Variants in PUM1 observed in about 807,000 individuals in gnomAD.
PUM1 encodes pumilio homolog 1.
Under a neutral mutation model 131.8 loss-of-function variants are expected in PUM1, and 13 were observed. That is an observed-to-expected ratio of 0.10 (90% CI 0.06 to 0.16). PUM1 has a LOEUF of 0.16. Ranked by LOEUF, PUM1 falls within the 10% of genes least tolerant of loss-of-function variation. PUM1 has a pLI of 1.00. For synonymous variants in PUM1, 509 were observed against 556.5 expected (o/e 0.91, Z 1.20); for missense variants, 961 against 1,512.4 (o/e 0.64, Z 6.05).
Position 30,966,127 on chromosome 1 carries a change from G to A in PUM1, c.1941C>T (p.Gly647=). The A allele has an allele frequency of 6.2e-7, 1 of 1,614,130 alleles. No individual in the cohort carries two copies. The highest frequency in any genetic ancestry group is 8.5e-7 in the Non-Finnish European group (1 of 1,180,028). The stretch of plus-strand genomic sequence containing the variant: ...GTGAATTGCTGTTCAGAGAGTTGTT[G>A]CCGTAGAAAGAACTGGATGCCAGGT... ...NNNLASSSFY[G]NNSLNSNSQS... The change falls in exon 13 of 22, where the codon GGC becomes GGT. Residue 647 remains glycine (G), a synonymous_variant. Transcript: ENST00000426105.
chr1:31,020,014 T>C (rs1642964168), intron 3 of PUM1, among the ~76,000 whole-genome samples: 1 of 152,176 alleles, frequency 6.6e-6, no homozygotes, highest in African/African-American at 2.4e-5. Context: ...GTCACCCAAA[T>C]AGTGAACATA....
intron 18 of PUM1, among the ~76,000 whole-genome samples, chr1:30,943,633 T>A (rs1463622472): frequency 6.6e-6 from 1 of 152,182 alleles, no homozygotes; most frequent in Non-Finnish European, 1.5e-5. Flanking sequence ...AATAATGGTG[T>A]TTAAACATGT....
intron 9 of PUM1, among the ~76,000 whole-genome samples, chr1:30,978,619 G>C (rs1199851660): frequency 6.6e-6 from 1 of 152,224 alleles, no homozygotes; most frequent in Non-Finnish European, 1.5e-5. Flanking sequence ...ATTTAGTCAT[G>C]ATGAACTTGA....
intron 1 of PUM1, among the ~76,000 whole-genome samples, chr1:31,065,172 G>A (rs1173435902): frequency 6.6e-6 from 1 of 152,102 alleles, no homozygotes; most frequent in Non-Finnish European, 1.5e-5. Context: ...CTCCTCCTCC[G>A]GCGCTGCCAC....
intron 7 of PUM1, among the ~76,000 whole-genome samples, chr1:30,982,523 T>C (rs898566117): frequency 1.3e-5 from 2 of 152,218 alleles, no homozygotes; most frequent in African/African-American, 4.8e-5. Flanking sequence ...CCTCCCTGGA[T>C]AGGACCTTCA....
intron 2 of PUM1, chr1:31,036,689 G>A (rs1643622410): frequency 6.6e-6 from 1 of 152,464 alleles, no homozygotes; most frequent in South Asian, 2.1e-4. Context: ...TTAGTGTTCT[G>A]TTTTGAAGAA....
At chr1:31,004,708 A>G (rs1451002454) in intron 5 of PUM1, among the ~76,000 whole-genome samples, 1 of 152,236 alleles carries the variant, frequency 6.6e-6, no homozygotes, top group Non-Finnish European at 1.5e-5. Flanking sequence ...AAGCTGCACC[A>G]AAAATGAACT....
At chr1:30,942,191 T>TTATATACATA (rs1639466964) in intron 18 of PUM1, 68 bp from the exon 19 acceptor site, 1 of 143,388 alleles carries the variant, frequency 7.0e-6, no homozygotes, top group South Asian at 7.1e-5. Flanking sequence ...TCAGTATTGT[T>TTATATACATA]TATATATATA....
chr1:30,991,932 T>C (rs1455817676), intron 7 of PUM1, among the ~76,000 whole-genome samples: 1 of 152,244 alleles, frequency 6.6e-6, no homozygotes, highest in African/African-American at 2.4e-5. Flanking sequence ...CAGATCCTTG[T>C]CTATGCTATC....
At chr1:31,040,629 A>T (rs1347835508) in intron 2 of PUM1, among the ~76,000 whole-genome samples, 1 of 152,182 alleles carries the variant, frequency 6.6e-6, no homozygotes, top group Non-Finnish European at 1.5e-5. Flanking sequence ...CACAAAAGAC[A>T]GCTGGGCATG....
At position 30,998,362 on chromosome 1, in the gene PUM1, C is replaced by T. The variant is rs1642060741; in HGVS notation, c.721-3142G>A. Among the ~76,000 whole-genome samples, 13 of 152,258 alleles carry T rather than the reference C, an allele frequency of 8.5e-5. No homozygotes were observed. The South Asian group carries it at 2.7e-3, about 32-fold the overall frequency. ...TTATTAAGAGATAGTATCAGCTGCA[C>T]GCAGTGGCTCATGCCTGTAATCCTA... On this transcript the variant is annotated intron_variant, in intron 5 of 21. Coordinates refer to ENST00000426105, the MANE Select transcript of PUM1 (RefSeq NM_001020658.2).
chr1:31,040,570 AGCC>A (rs1247722667), intron 2 of PUM1, among the ~76,000 whole-genome samples: 1 of 152,206 alleles, frequency 6.6e-6, no homozygotes, highest in Non-Finnish European at 1.5e-5. Context: ...ACTTTAGTAT[AGCC>A]GAAATGGAGC....
At chr1:31,035,608 G>A (rs551047413) in intron 2 of PUM1, among the ~76,000 whole-genome samples, 10 of 151,194 alleles carry the variant, frequency 6.6e-5, no homozygotes, top group South Asian at 2.1e-4. Flanking sequence ...AAAATTAGCC[G>A]GGCATGGTGG....
chr1:30,961,326 A>ATAGCAAGAC (rs2124431865), intron 14 of PUM1, among the ~76,000 whole-genome samples: 1 of 151,234 alleles, frequency 6.6e-6, no homozygotes, highest in South Asian at 2.1e-4. Flanking sequence ...CCTGACCAAC[A>ATAGCAAGAC]TAGCAAGACT....
chr1:31,020,877 G>A (rs1183151409), intron 3 of PUM1, among the ~76,000 whole-genome samples: 2 of 152,130 alleles, frequency 1.3e-5, no homozygotes. Context: ...AAAATACAAT[G>A]GATTTGCTTT....
chr1:30,940,759 G>A (rs972533599), intron 20 of PUM1, among the ~76,000 whole-genome samples: 15 of 152,076 alleles, frequency 9.9e-5, no homozygotes, highest in Admixed American at 2.6e-4. Context: ...TATGAAGACT[G>A]GAAAAGAGAT....
intron 6 of PUM1, 44 bp from the exon 7 acceptor site, chr1:30,992,704 G>A: frequency 3.2e-6 from 5 of 1,566,830 alleles, no homozygotes; most frequent in South Asian, 1.2e-5. Flanking sequence ...TTTTCAGTGG[G>A]GAGGGACTAC....
In PUM1 at chr1:30,966,097, G is replaced by A. The variant is rs756089744; in HGVS notation, c.1971C>T (p.Ser657=). ...CAGAGCCCTGGGAGAAGAGGGAGCT[G>A]CTCTGTGAATTGCTGTTCAGAGAGT... ...GNNSLNSNSQ[S]SSLFSQGSAQ... The change falls in exon 13 of 22, where the codon AGC becomes AGT. Residue 657 remains serine, a synonymous_variant. Coordinates refer to ENST00000426105, the MANE Select transcript of PUM1 (RefSeq NM_001020658.2). The A allele has an allele frequency of 1.9e-6, 3 of 1,614,190 alleles. No homozygotes were observed. The South Asian group carries it at 3.3e-5, about 18-fold the overall frequency.
chr1:31,009,776 A>ACAAAAACAAAAAC (rs1553150230), intron 3 of PUM1, among the ~76,000 whole-genome samples: 4 of 62,170 alleles, frequency 6.4e-5, no homozygotes, highest in African/African-American at 5.7e-4. Context: ...TCAAAAAAAA[A>ACAAAAACAAAAAC]AAAAAAAAAA....
Sources: gnomAD v4.1 joint callset for allele counts (sites outside exome capture counted in the v4.1 genomes callset) on GRCh38, gnomAD v4.1.1 for gene constraint, MANE v1.5 for transcripts, NCBI Gene and HGNC (gene_info 2026-07-23, HGNC 2026-07-21) for gene names.